The following LSAMP variants were observed in gnomAD, a reference collection of about 807,000 sequenced individuals.
The protein encoded by LSAMP is limbic system-associated membrane protein.
Under a neutral mutation model 38.6 loss-of-function variants are expected in LSAMP, and 7 were observed. The observed-to-expected ratio is 0.18, with a 90% CI of 0.10 to 0.34. The LOEUF is 0.34. Ranked by LOEUF, LSAMP falls within the 10% of genes least tolerant of loss-of-function variation. The pLI is 1.00. For synonymous variants in LSAMP, 154 were observed against 166.8 expected (o/e 0.92, Z 0.59); for missense variants, 313 against 420.0 (o/e 0.75, Z 2.23).
chr3:116,098,460 T>G (rs1708273325), intron 1 of LSAMP, among the ~76,000 whole-genome samples: 1 of 152,162 alleles, frequency 6.6e-6, no homozygotes, highest in South Asian at 2.1e-4. Context: ...GATTGCGCCA[T>G]TGCAGCCTTG....
At chr3:116,082,366 C>G (rs369007755) in intron 2 of LSAMP, among the ~76,000 whole-genome samples, 3 of 152,258 alleles carry the variant, frequency 2.0e-5, no homozygotes, top group African/African-American at 4.8e-5. Flanking sequence ...AGTAGTAGCT[C>G]TTGATTTTTG....
At chr3:116,344,780 T>C (rs942054401) in intron 1 of LSAMP, among the ~76,000 whole-genome samples, 2 of 152,170 alleles carry the variant, frequency 1.3e-5, no homozygotes, top group African/African-American at 4.8e-5. Flanking sequence ...ACTGGGAGGA[T>C]AAATATTTAC....
chr3:115,855,475 C>A (rs931930254), intron 3 of LSAMP, among the ~76,000 whole-genome samples: 1 of 152,116 alleles, frequency 6.6e-6, no homozygotes, highest in Non-Finnish European at 1.5e-5. Flanking sequence ...CTTAAGTGAC[C>A]CACATGGGAG....
intron 3 of LSAMP, among the ~76,000 whole-genome samples, chr3:115,953,251 T>A (rs1326459209): frequency 2.0e-5 from 3 of 152,146 alleles, no homozygotes; most frequent in Non-Finnish European, 4.4e-5. Flanking sequence ...GCTTTGATTA[T>A]TTAGGTGATT....
At chr3:116,011,442 A>T (rs544676828) in intron 3 of LSAMP, among the ~76,000 whole-genome samples, 12 of 152,186 alleles carry the variant, frequency 7.9e-5, no homozygotes, top group Admixed American at 1.3e-4. Flanking sequence ...TACACTCTTG[A>T]AATATAAAAG....
chr3:116,391,710 G>A (rs532882130), intron 1 of LSAMP, among the ~76,000 whole-genome samples: 13 of 152,314 alleles, frequency 8.5e-5, no homozygotes, highest in South Asian at 4.1e-4. Context: ...GCAGCAGACC[G>A]TCTGGAGCGG....
At chr3:115,850,847 C>T (rs1935307217) in intron 4 of LSAMP, among the ~76,000 whole-genome samples, 1 of 152,174 alleles carries the variant, frequency 6.6e-6, no homozygotes, top group South Asian at 2.1e-4. Flanking sequence ...GCTGCGTAAA[C>T]TTTAGCGAGT....
intron 1 of LSAMP, among the ~76,000 whole-genome samples, chr3:116,410,456 G>T (rs1336820418): frequency 6.6e-6 from 1 of 151,554 alleles, no homozygotes; most frequent in Non-Finnish European, 1.5e-5. Context: ...GCAACTGCTA[G>T]TTTTAAAAAT....
intron 1 of LSAMP, among the ~76,000 whole-genome samples, chr3:116,156,346 T>C (rs1709747238): frequency 6.6e-6 from 1 of 152,154 alleles, no homozygotes; most frequent in Non-Finnish European, 1.5e-5. Flanking sequence ...ATCCTTCTAA[T>C]TTGGGGTGGG....
At chr3:116,198,065 A>C (rs886654469) in intron 1 of LSAMP, among the ~76,000 whole-genome samples, 8 of 152,202 alleles carry the variant, frequency 5.3e-5, no homozygotes, top group African/African-American at 1.9e-4. Context: ...GTGGTGAATA[A>C]TGTGCAAAGT....
intron 1 of LSAMP, among the ~76,000 whole-genome samples, chr3:116,328,938 T>C (rs1289521665): frequency 6.6e-6 from 1 of 152,146 alleles, no homozygotes; most frequent in African/African-American, 2.4e-5. Flanking sequence ...TAAAAGCAAA[T>C]GAGTTTGCAT....
intron 1 of LSAMP, among the ~76,000 whole-genome samples, chr3:116,130,368 A>C (rs1709097397): frequency 6.6e-6 from 1 of 152,228 alleles, no homozygotes; most frequent in South Asian, 2.1e-4. Context: ...TGTGTTGATT[A>C]TATCTCAACG....
chr3:115,994,552 C>T (rs1016127614), intron 3 of LSAMP, among the ~76,000 whole-genome samples: 1 of 151,964 alleles, frequency 6.6e-6, no homozygotes, highest in Non-Finnish European at 1.5e-5. Flanking sequence ...GTTGAATAAT[C>T]GCTAGGCTAG....
At chr3:115,874,505 T>G (rs1426010871) in intron 3 of LSAMP, among the ~76,000 whole-genome samples, 1 of 152,146 alleles carries the variant, frequency 6.6e-6, no homozygotes, top group Non-Finnish European at 1.5e-5. Flanking sequence ...CCATAAGATT[T>G]GTAAAGTCTC....
chr3:116,346,772 A>G (rs539834021), intron 1 of LSAMP, among the ~76,000 whole-genome samples: 1 of 152,304 alleles, frequency 6.6e-6, no homozygotes, highest in South Asian at 2.1e-4. Context: ...TTATTCATTC[A>G]ACAAACATTC....
intron 3 of LSAMP, among the ~76,000 whole-genome samples, chr3:115,870,351 A>G (rs1266349008): frequency 6.6e-6 from 1 of 152,178 alleles, no homozygotes; most frequent in Non-Finnish European, 1.5e-5. Flanking sequence ...AATATAGTAG[A>G]TGAGAACAAA....
At chr3:116,107,690 C>G (rs1387130797) in intron 1 of LSAMP, among the ~76,000 whole-genome samples, 1 of 152,166 alleles carries the variant, frequency 6.6e-6, no homozygotes. Flanking sequence ...AGCCTTGCGG[C>G]AGTACAGCCC....
intron 3 of LSAMP, among the ~76,000 whole-genome samples, chr3:115,940,790 T>C (rs1040016919): frequency 2.0e-4 from 31 of 152,348 alleles, no homozygotes; most frequent in Middle Eastern, 3.4e-3. Flanking sequence ...GCCAGTATTA[T>C]GCTGTTTTGA....
intron 3 of LSAMP, among the ~76,000 whole-genome samples, chr3:115,869,205 CCAGATTAGGT>C (rs992648647): frequency 2.7e-5 from 4 of 147,798 alleles, no homozygotes; most frequent in African/African-American, 1.0e-4. Flanking sequence ...AAACAAAAAG[CCAGATTAGGT>C]CAGGAGATCA....
Sources: gnomAD v4.1 joint callset for allele counts (sites outside exome capture counted in the v4.1 genomes callset) on GRCh38, gnomAD v4.1.1 for gene constraint, MANE v1.5 for transcripts, NCBI Gene and HGNC (gene_info 2026-07-23, HGNC 2026-07-21) for gene names.